The following SHISAL1 variants were observed in gnomAD, a reference collection of about 807,000 sequenced individuals.
SHISAL1 encodes the protein protein shisa-like-1.
A neutral mutation model predicts 22.6 loss-of-function variants in SHISAL1; 9 were observed. The observed-to-expected ratio is 0.40, with a 90% CI of 0.24 to 0.70. The LOEUF (loss-of-function observed/expected upper bound fraction) is 0.70. Among genes scored for constraint, SHISAL1 ranks in the 30% least tolerant of loss-of-function variants. The pLI, the probability that SHISAL1 is intolerant of heterozygous loss-of-function variation, is 0.39. For synonymous variants in SHISAL1, 119 were observed against 115.4 expected (o/e 1.03, Z -0.20); for missense variants, 246 against 270.6 (o/e 0.91, Z 0.64).
At chr22:44,328,763 G>C in the SHISAL1 span, among the ~76,000 whole-genome samples, 3 of 151,960 alleles carry the variant, frequency 2.0e-5, no homozygotes, top group African/African-American at 7.2e-5. Flanking sequence ...TCCGAACCTG[G>C]CCACCCTCCC....
intron 4 of SHISAL1, among the ~76,000 whole-genome samples, chr22:44,265,352 G>A (rs2078364137): frequency 6.6e-6 from 1 of 152,146 alleles, no homozygotes; most frequent in African/African-American, 2.4e-5. Flanking sequence ...TTTTTGGGCA[G>A]TCAGCTGTCA....
chr22:44,285,812 G>C, intron 3 of SHISAL1, 67 bp from the exon 4 acceptor site: 1 of 1,318,760 alleles, frequency 7.6e-7, no homozygotes, highest in Non-Finnish European at 1.1e-6. Flanking sequence ...GGCTTCATCA[G>C]TGGGGCTGAT....
rs1010320924 is a variant in SHISAL1 at position 44,310,645 on chromosome 22, T to C, written c.-33+2106A>G. On this transcript the variant is annotated intron_variant, in intron 1 of 4. Transcript: ENST00000381176. This position sits in a 1 kb window ranked among gnomAD's most constrained non-coding sequence, Gnocchi z 4.0. ...ATCCATAAACCGTTCTTATCCGATG[T>C]TGCCTACTCTACTGTTCCCAAAGCT... is the stretch of plus-strand genomic sequence containing the variant. 2.6e-5 allele frequency among the ~76,000 whole-genome samples: 4 copies of C among 152,196 alleles called. No individual in the cohort carries two copies. Among genetic ancestry groups the C allele is most frequent in the African/African-American group, 9.6e-5 (4 of 41,454 alleles).
intron 4 of SHISAL1, among the ~76,000 whole-genome samples, chr22:44,282,821 G>A (rs1450193760): frequency 2.0e-5 from 3 of 152,228 alleles, no homozygotes; most frequent in African/African-American, 7.2e-5. Flanking sequence ...ACATTCTCCA[G>A]TGTGCCCGAG....
intron 4 of SHISAL1, among the ~76,000 whole-genome samples, chr22:44,266,606 T>A (rs1252481315): frequency 6.6e-6 from 1 of 150,772 alleles, no homozygotes; most frequent in African/African-American, 2.4e-5. Context: ...CTGGTGTGTG[T>A]GTTGGGGGGC....
At chr22:44,251,721 A>G (rs973124350) in intron 4 of SHISAL1, among the ~76,000 whole-genome samples, 1 of 152,210 alleles carries the variant, frequency 6.6e-6, no homozygotes, top group Admixed American at 6.5e-5. Flanking sequence ...GGTGAGATTC[A>G]TTCACCATGA....
intron 4 of SHISAL1, among the ~76,000 whole-genome samples, chr22:44,268,318 T>A (rs1227379415): frequency 6.6e-6 from 1 of 152,212 alleles, no homozygotes; most frequent in African/African-American, 2.4e-5. Flanking sequence ...AGACTCTTTC[T>A]CCTTTGCCTC....
intron 1 of SHISAL1, among the ~76,000 whole-genome samples, chr22:44,303,756 C>T (rs2055450382): frequency 6.6e-6 from 1 of 152,196 alleles, no homozygotes; most frequent in South Asian, 2.1e-4. Flanking sequence ...AGCTCACCTG[C>T]ATACTTGGGG....
chr22:44,266,283 G>A (rs982752243), intron 4 of SHISAL1, among the ~76,000 whole-genome samples: 6 of 152,196 alleles, frequency 3.9e-5, no homozygotes, highest in African/African-American at 9.7e-5. Context: ...GCAGGGCTGC[G>A]GAGATGCTTA....
intron 4 of SHISAL1, among the ~76,000 whole-genome samples, chr22:44,263,318 A>G (rs1036588414): frequency 6.6e-6 from 1 of 151,760 alleles, no homozygotes; most frequent in Non-Finnish European, 1.5e-5. Flanking sequence ...TGATCTGCCC[A>G]CCTTGGCCTC....
intron 4 of SHISAL1, among the ~76,000 whole-genome samples, chr22:44,263,797 G>C (rs1343485193): frequency 6.6e-6 from 1 of 152,204 alleles, no homozygotes; most frequent in South Asian, 2.1e-4. Context: ...GCAGGGCCCC[G>C]TGCTGCTGAT....
the SHISAL1 span, among the ~76,000 whole-genome samples, chr22:44,328,647 G>A: frequency 4.6e-5 from 7 of 152,084 alleles, no homozygotes; most frequent in African/African-American, 1.4e-4. Context: ...AGAGGGCTTG[G>A]CCAATTGTCC....
At chr22:44,285,324 G>A in intron 4 of SHISAL1, 104 bp downstream of exon 4, 1 of 1,259,996 alleles carries the variant, frequency 7.9e-7, no homozygotes, top group Admixed American at 2.0e-5. Flanking sequence ...CAAACAATCA[G>A]GCAACCAATG....
the SHISAL1 span, among the ~76,000 whole-genome samples, chr22:44,318,742 A>G: frequency 1.3e-5 from 2 of 152,364 alleles, no homozygotes; most frequent in Non-Finnish European, 1.5e-5. Context: ...CGGCCTGCTC[A>G]GTGCTGTCAC....
chr22:44,297,729 A>T (rs981438076), intron 2 of SHISAL1, among the ~76,000 whole-genome samples: 5 of 152,238 alleles, frequency 3.3e-5, no homozygotes, highest in African/African-American at 9.6e-5. Context: ...AACAAATATA[A>T]CAATGGAAAA....
chr22:44,330,486 G>A, the SHISAL1 span, among the ~76,000 whole-genome samples: 1 of 152,138 alleles, frequency 6.6e-6, no homozygotes, highest in Non-Finnish European at 1.5e-5. Context: ...GTGCTCTCCC[G>A]CAGATTACAT....
At chr22:44,279,572 G>C (rs1297571994) in intron 4 of SHISAL1, among the ~76,000 whole-genome samples, 2 of 152,198 alleles carry the variant, frequency 1.3e-5, no homozygotes, top group Non-Finnish European at 2.9e-5. Context: ...TCACAGGGGA[G>C]GACGAATGAG....
chr22:44,281,454 C>A (rs180832924), intron 4 of SHISAL1, among the ~76,000 whole-genome samples: 1 of 151,970 alleles, frequency 6.6e-6, no homozygotes, highest in Non-Finnish European at 1.5e-5. Context: ...GTGTTTGTGT[C>A]TGTGTGTGTA....
the SHISAL1 span, among the ~76,000 whole-genome samples, chr22:44,325,914 G>A: frequency 1.6e-4 from 24 of 151,748 alleles, no homozygotes; most frequent in African/African-American, 3.9e-4. Context: ...GACCCAAGCC[G>A]AAATTTACTT....
Sources: allele counts gnomAD v4.1 joint callset (sites outside exome capture counted in the v4.1 genomes callset), GRCh38; gene constraint gnomAD v4.1.1; non-coding constraint Gnocchi (gnomAD v3.1); transcripts MANE v1.5; gene names NCBI Gene and HGNC (gene_info 2026-07-23, HGNC 2026-07-21).